The following GALNT13 variants were observed in gnomAD, a reference collection of about 807,000 sequenced individuals.
GALNT13 encodes the protein UDP-GalNAc:polypeptide N-acetylgalactosaminyltransferase 13.
Under a neutral mutation model 64.2 loss-of-function variants are expected in GALNT13, and 28 were observed. The ratio of observed to expected loss-of-function variants is 0.44; its 90% CI spans 0.32 to 0.60. The LOEUF is 0.60. GALNT13 is among the 20% of genes least tolerant of loss of function. GALNT13 has a pLI of 0.05. For synonymous variants in GALNT13, 214 were observed against 224.6 expected, an observed-to-expected ratio of 0.95 and a Z score of 0.42; for missense variants, 577 against 669.8, an observed-to-expected ratio of 0.86 and a Z score of 1.53.
the GALNT13 span, among the ~76,000 whole-genome samples, chr2:153,570,286 A>G: frequency 2.0e-5 from 3 of 151,978 alleles, no homozygotes; most frequent in Non-Finnish European, 4.4e-5. Context: ...CCCACTTTTT[A>G]TCAGATTATT....
the GALNT13 span, among the ~76,000 whole-genome samples, chr2:153,095,900 C>G: frequency 1.3e-5 from 2 of 150,270 alleles, no homozygotes; most frequent in Non-Finnish European, 3.0e-5. Flanking sequence ...GTGGGGGGAG[C>G]GGGGAGGGAT....
At chr2:154,048,632 T>A (rs924834703) in intron 3 of GALNT13, among the ~76,000 whole-genome samples, 2 of 152,116 alleles carry the variant, frequency 1.3e-5, no homozygotes, top group African/African-American at 2.4e-5. Flanking sequence ...AATTAGAATG[T>A]ATAGCCATGA....
At chr2:153,865,734 A>C in the GALNT13 span, among the ~76,000 whole-genome samples, 1 of 77,196 alleles carries the variant, frequency 1.3e-5, no homozygotes, top group Non-Finnish European at 2.6e-5. Context: ...TAGTTCAACC[A>C]TTGTGGAAGT....
chr2:153,081,248 G>A, the GALNT13 span, among the ~76,000 whole-genome samples: 244 of 151,856 alleles, frequency 1.6e-3, 1 homozygote, highest in African/African-American at 5.5e-3. Context: ...GTACATAGTA[G>A]GTGTATATAT....
At chr2:154,056,387 T>C (rs941518418) in intron 3 of GALNT13, among the ~76,000 whole-genome samples, 5 of 152,274 alleles carry the variant, frequency 3.3e-5, no homozygotes, top group Admixed American at 6.5e-5. Context: ...ATTTTTAATC[T>C]AAAGCAAAAT....
chr2:154,101,038 GC>G (rs1201708461), intron 3 of GALNT13, among the ~76,000 whole-genome samples: 1 of 152,016 alleles, frequency 6.6e-6, no homozygotes, highest in Non-Finnish European at 1.5e-5. Flanking sequence ...AACCACCCTT[GC>G]ATCGTGCAGT....
chr2:153,504,643 A>G, the GALNT13 span, among the ~76,000 whole-genome samples: 1 of 152,202 alleles, frequency 6.6e-6, no homozygotes, highest in Non-Finnish European at 1.5e-5. Context: ...TGAGATGATC[A>G]TATGATTTTT....
intron 7 of GALNT13, among the ~76,000 whole-genome samples, chr2:154,248,951 A>C (rs1689927736): frequency 6.6e-6 from 1 of 152,152 alleles, no homozygotes. Flanking sequence ...ATAATCTTTT[A>C]AAGTTTTGAC....
At chr2:153,433,292 T>C in the GALNT13 span, among the ~76,000 whole-genome samples, 2 of 152,222 alleles carry the variant, frequency 1.3e-5, no homozygotes, top group African/African-American at 4.8e-5. Flanking sequence ...TACCACATTC[T>C]TTCATAGTTC....
chr2:153,381,061 A>T, the GALNT13 span, among the ~76,000 whole-genome samples: 1 of 151,768 alleles, frequency 6.6e-6, no homozygotes, highest in Admixed American at 6.6e-5. Flanking sequence ...ATATATCATT[A>T]TTTTACCTCC....
intron 3 of GALNT13, among the ~76,000 whole-genome samples, chr2:154,130,463 G>A (rs867889951): frequency 2.6e-5 from 4 of 152,138 alleles, no homozygotes; most frequent in Non-Finnish European, 5.9e-5. Context: ...ATACTTTAGA[G>A]TATTTGAGGT....
chr2:153,995,628 A>G (rs1230274075), intron 3 of GALNT13, among the ~76,000 whole-genome samples: 4 of 152,066 alleles, frequency 2.6e-5, no homozygotes, highest in African/African-American at 7.2e-5. Context: ...GTTTTGATCT[A>G]TCCCTCAATG....
At chr2:154,313,507 A>T (rs1017488888) in intron 9 of GALNT13, among the ~76,000 whole-genome samples, 1 of 151,478 alleles carries the variant, frequency 6.6e-6, no homozygotes, top group East Asian at 2.0e-4. Context: ...CAGGCTGGAG[A>T]GCAGTGGTGT....
chr2:154,375,289 G>GA (rs773959245), intron 9 of GALNT13, among the ~76,000 whole-genome samples: 5 of 152,030 alleles, frequency 3.3e-5, no homozygotes, highest in African/African-American at 7.2e-5. Flanking sequence ...CATCCAGCCA[G>GA]AAAAAAATTC....
At chr2:153,423,549 C>T in the GALNT13 span, 1 of 151,798 alleles carries the variant, frequency 6.6e-6, no homozygotes, top group African/African-American at 2.4e-5. Context: ...AAATATAAAA[C>T]TGTCATCATT....
At chr2:153,819,760 T>C in the GALNT13 span, among the ~76,000 whole-genome samples, 4 of 152,204 alleles carry the variant, frequency 2.6e-5, no homozygotes, top group African/African-American at 9.7e-5. Flanking sequence ...TAGAAGTGCA[T>C]AGGGCTTTAC....
chr2:153,129,158 C>T, the GALNT13 span, among the ~76,000 whole-genome samples: 23 of 152,182 alleles, frequency 1.5e-4, no homozygotes, highest in South Asian at 3.9e-3. Context: ...TTCAGCTTAC[C>T]GGGGTACAGG....
the GALNT13 span, among the ~76,000 whole-genome samples, chr2:153,331,227 TG>T: frequency 1.3e-5 from 1 of 79,498 alleles, no homozygotes; most frequent in Non-Finnish European, 3.3e-5. Flanking sequence ...TATTGGCCTA[TG>T]TTTTTTTTTT....
At chr2:153,514,300 C>G in the GALNT13 span, among the ~76,000 whole-genome samples, 1 of 152,146 alleles carries the variant, frequency 6.6e-6, no homozygotes, top group Non-Finnish European at 1.5e-5. Flanking sequence ...CTATATTTCT[C>G]AAGCCCACTG....
Sources: gnomAD v4.1 joint callset for allele counts (sites outside exome capture counted in the v4.1 genomes callset) on GRCh38, gnomAD v4.1.1 for gene constraint, MANE v1.5 for transcripts, NCBI Gene and HGNC (gene_info 2026-07-23, HGNC 2026-07-21) for gene names.